TIMP2: variants seen among roughly 807,000 people sequenced by gnomAD.
The protein encoded by TIMP2 is TIMP metallopeptidase inhibitor 2.
In TIMP2, 5 loss-of-function variants were observed where a neutral mutation model predicts 24.3. That is an observed-to-expected ratio of 0.21 (90% CI 0.11 to 0.43). TIMP2 has a LOEUF of 0.43. Among genes scored for constraint, TIMP2 ranks in the 20% least tolerant of loss-of-function variants. The pLI is 1.00. For missense variants in TIMP2, 221 were observed against 297.5 expected, an observed-to-expected ratio of 0.74 and a Z score of 1.89; for synonymous variants, 130 against 123.2, an observed-to-expected ratio of 1.06 and a Z score of -0.37.
chr17:78,857,682 G>C (rs752833282), intron 3 of TIMP2, 36 bp from the exon 4 acceptor site: 1 of 1,613,138 alleles, frequency 6.2e-7, no homozygotes, highest in African/African-American at 1.3e-5. Flanking sequence ...CTCAGGGAGA[G>C]GGAAAAGTCC....
At chr17:78,874,596 G>C (rs1271395377) in intron 1 of TIMP2, among the ~76,000 whole-genome samples, 4 of 152,132 alleles carry the variant, frequency 2.6e-5, no homozygotes, top group African/African-American at 9.7e-5. Context: ...TGTTGTTATT[G>C]AGATGGAGTC....
At chr17:78,856,187 A>C in intron 4 of TIMP2, 8 of 355,498 alleles carry the variant, frequency 2.3e-5, no homozygotes, top group Admixed American at 3.8e-5. Flanking sequence ...GCAACAATAA[A>C]AGGGCCTGGG....
At position 78,891,522 on chromosome 17, in the gene TIMP2, G is replaced by T. The variant is rs1256816635; in HGVS notation, c.131-17603C>A. ...TTGTTCTTCTCCCGGAGCGTGCACT[G>T]AGATGCTGGGGACACGGCTTCCCTT... On this transcript the variant is annotated intron_variant, in intron 1 of 4. Transcript: ENST00000262768. This position sits in a 1 kb window ranked among gnomAD's most constrained non-coding sequence, Gnocchi z 4.5. 3 of 1,551,120 alleles carry T rather than the reference G, an allele frequency of 1.9e-6. No homozygotes were observed. Among genetic ancestry groups the T allele is most frequent in the Non-Finnish European group, 2.6e-6 (3 of 1,147,124 alleles).
At chr17:78,880,616 T>A (rs1031304346) in intron 1 of TIMP2, among the ~76,000 whole-genome samples, 1 of 152,124 alleles carries the variant, frequency 6.6e-6, no homozygotes, top group African/African-American at 2.4e-5. Flanking sequence ...AGGAGAATTG[T>A]ATGAACTAGA....
rs57256110 is a variant in TIMP2, at chr17:78,918,065, A to AACACACAC, written c.130+6886_130+6893dup. ...AAAAACACGTACGCGTGCACACACAAACACACACACACACACACACACACA... is the reference window on the plus strand; with the variant it reads ...AAAAACACGTACGCGTGCACACACAAACACACACACACACACACACACACACACACACA... On this transcript the variant is annotated intron_variant, in intron 1 of 4. Coordinates refer to ENST00000262768, the MANE Select transcript of TIMP2 (RefSeq NM_003255.5). Among the ~76,000 whole-genome samples the AACACACAC allele has an allele frequency of 9.8e-3, 1,424 of 144,892 alleles. 8 individuals are homozygous for AACACACAC. The highest frequency in any genetic ancestry group is 0.017 in the African/African-American group (637 of 38,462).
chr17:78,872,084 G>C (rs540519855), intron 2 of TIMP2, among the ~76,000 whole-genome samples: 119 of 151,444 alleles, frequency 7.9e-4, no homozygotes, highest in African/African-American at 2.8e-3. Flanking sequence ...AACTTCCCAG[G>C]CTCAAGTGAT....
intron 4 of TIMP2, chr17:78,856,115 T>C: frequency 1.8e-6 from 1 of 542,466 alleles, no homozygotes; most frequent in South Asian, 2.0e-5. Context: ...CTTTGGGCCA[T>C]CTTCTACCTT....
At chr17:78,869,406 C>A (rs1474629149) in intron 3 of TIMP2, among the ~76,000 whole-genome samples, 1 of 110,080 alleles carries the variant, frequency 9.1e-6, no homozygotes, top group East Asian at 2.5e-4. Flanking sequence ...CAGAGCAAGA[C>A]TTTGTCTCAA....
chr17:78,863,571 A>G (rs1020009645), intron 3 of TIMP2, among the ~76,000 whole-genome samples: 2 of 152,116 alleles, frequency 1.3e-5, no homozygotes, highest in African/African-American at 4.8e-5. Flanking sequence ...AAGCTCTTCA[A>G]AATCTTTCAA....
At chr17:78,893,490 G>T (rs1207714167) in intron 1 of TIMP2, among the ~76,000 whole-genome samples, 1 of 149,142 alleles carries the variant, frequency 6.7e-6, no homozygotes, top group African/African-American at 2.5e-5. Context: ...TGTGTGCAGG[G>T]GTGTGTGCGC....
Position 78,871,023 on chromosome 17 carries a change from G to A in TIMP2, c.232-17C>T. ...TTTGAACATCTGGAAAGACAAGGAGGAGGACATGTAAGCAGAGGGAGGCCA... is the reference window on the plus strand; with the variant it reads ...TTTGAACATCTGGAAAGACAAGGAGAAGGACATGTAAGCAGAGGGAGGCCA... On this transcript the variant is annotated splice_polypyrimidine_tract_variant and intron_variant, in intron 2 of 4. Coordinates refer to ENST00000262768, the MANE Select transcript of TIMP2 (RefSeq NM_003255.5). The A allele has an allele frequency of 1.9e-6, 3 of 1,606,306 alleles. No homozygotes were observed. The highest frequency in any genetic ancestry group is 1.7e-4 in the Middle Eastern group (1 of 6,042).
chr17:78,900,520 AGGC>A (rs2070074160), intron 1 of TIMP2, among the ~76,000 whole-genome samples: 2 of 149,522 alleles, frequency 1.3e-5, no homozygotes, highest in African/African-American at 5.0e-5. Flanking sequence ...ACTCTAGCCT[AGGC>A]AACAGAGCAA....
chr17:78,880,661 T>C (rs1442851279), intron 1 of TIMP2, among the ~76,000 whole-genome samples: 1 of 152,212 alleles, frequency 6.6e-6, no homozygotes, highest in Non-Finnish European at 1.5e-5. Context: ...AATGCACCAC[T>C]GCACCTCGGT....
At chr17:78,905,807 G>A (rs2070153595) in intron 1 of TIMP2, among the ~76,000 whole-genome samples, 1 of 152,196 alleles carries the variant, frequency 6.6e-6, no homozygotes, top group Non-Finnish European at 1.5e-5. Flanking sequence ...GAGAGTCTGG[G>A]TCCATACTAT....
At position 78,887,753 on chromosome 17, in the gene TIMP2, G is replaced by GAA. The variant is rs562106009; in HGVS notation, c.131-13836_131-13835dup. Among the ~76,000 whole-genome samples the GAA allele has an allele frequency of 2.0e-3, 281 of 137,094 alleles. 5 individuals carry two copies. The East Asian group carries it at 0.048, about 24-fold the overall frequency. 89.9% of individuals were successfully genotyped at this position (137,094 alleles called of 152,430 possible). A position where few individuals can be genotyped will look rare whatever the true frequency, so the allele number is the denominator to read the frequency against. ...TTTCTGGGGAAAAAAAAAAAAATAGGAAAAAAAAAAAAAGAGCAATAAACG... is the reference window on the plus strand; with the variant it reads ...TTTCTGGGGAAAAAAAAAAAAATAGGAAAAAAAAAAAAAAAGAGCAATAAACG... On this transcript the variant is annotated intron_variant, in intron 1 of 4. Transcript: ENST00000262768.
At chr17:78,868,985 GC>G (rs1223530024) in intron 3 of TIMP2, among the ~76,000 whole-genome samples, 1 of 152,162 alleles carries the variant, frequency 6.6e-6, no homozygotes, top group East Asian at 1.9e-4. Context: ...CATAAGGTAG[GC>G]CCCCACAACA....
intron 1 of TIMP2, among the ~76,000 whole-genome samples, chr17:78,922,676 G>A (rs570215505): frequency 7.2e-5 from 11 of 152,224 alleles, no homozygotes; most frequent in South Asian, 4.2e-4. Flanking sequence ...AAAATTAGCC[G>A]GGTGTGGTGG....
chr17:78,862,255 T>C (rs985374561), intron 3 of TIMP2, among the ~76,000 whole-genome samples: 6 of 152,008 alleles, frequency 3.9e-5, no homozygotes, highest in African/African-American at 1.4e-4. Context: ...CAGAGCTGAG[T>C]GGTTCACTGT....
In TIMP2 at chr17:78,896,953, C is replaced by A; in HGVS notation, c.131-23034G>T. On this transcript the variant is annotated intron_variant, in intron 1 of 4. Transcript: ENST00000262768. The surrounding 1 kb of genome is among the most constrained non-coding windows in gnomAD (Gnocchi z 4.4). ...AGCGATTCTCACCAAAGTCAGGCAACCTCTGGCCTACAGCTTGAGAATGAC... is the reference window on the plus strand; with the variant it reads ...AGCGATTCTCACCAAAGTCAGGCAAACTCTGGCCTACAGCTTGAGAATGAC... The A allele has an allele frequency of 1.0e-6, 1 of 985,406 alleles. No homozygotes were observed. 61.0% of individuals were successfully genotyped at this position (985,406 alleles called of 1,614,324 possible).
Sources: allele counts gnomAD v4.1 joint callset (sites outside exome capture counted in the v4.1 genomes callset), GRCh38; gene constraint gnomAD v4.1.1; non-coding constraint Gnocchi (gnomAD v3.1); transcripts MANE v1.5; gene names NCBI Gene and HGNC (gene_info 2026-07-23, HGNC 2026-07-21).